Variants in ARK2C observed in about 807,000 individuals in gnomAD.
ARK2C encodes the protein arkadia (RNF111) C-terminal like ring finger ubiquitin ligase 2C.
chr18:46,453,494 C>T, the ARK2C span, among the ~76,000 whole-genome samples: 4 of 149,620 alleles, frequency 2.7e-5, no homozygotes, highest in African/African-American at 7.4e-5. Flanking sequence ...ATAAAGGGCT[C>T]GGGTAAAAAG....
the ARK2C span, among the ~76,000 whole-genome samples, chr18:46,391,397 G>T: frequency 1.3e-5 from 2 of 152,084 alleles, no homozygotes; most frequent in Admixed American, 6.5e-5. Context: ...GCGAGGCCTA[G>T]TACGGGGCTG....
At chr18:46,429,706 A>G in the ARK2C span, among the ~76,000 whole-genome samples, 1 of 152,096 alleles carries the variant, frequency 6.6e-6, no homozygotes, top group Non-Finnish European at 1.5e-5. Flanking sequence ...CATTTTTACA[A>G]ATTCTTACCA....
the ARK2C span, chr18:46,450,657 G>C: frequency 7.1e-7 from 1 of 1,413,672 alleles, no homozygotes; most frequent in African/African-American, 1.4e-5. Flanking sequence ...GTGCATGTGG[G>C]CATTTATACA....
At chr18:46,373,843 G>A in the ARK2C span, among the ~76,000 whole-genome samples, 9 of 152,244 alleles carry the variant, frequency 5.9e-5, no homozygotes, top group African/African-American at 1.4e-4. Context: ...GCTGGGGCTC[G>A]CTAGCCCTCA....
chr18:46,407,974 A>G, the ARK2C span, among the ~76,000 whole-genome samples: 1 of 152,160 alleles, frequency 6.6e-6, no homozygotes, highest in Admixed American at 6.5e-5. Flanking sequence ...TTCCTGGGGG[A>G]GGTGGCATAG....
the ARK2C span, among the ~76,000 whole-genome samples, chr18:46,344,509 G>C: frequency 6.6e-6 from 1 of 152,156 alleles, no homozygotes; most frequent in Non-Finnish European, 1.5e-5. Flanking sequence ...ATTCCCTCGA[G>C]CTAATGGGAG....
the ARK2C span, among the ~76,000 whole-genome samples, chr18:46,358,853 AGC>A: frequency 6.6e-6 from 1 of 152,212 alleles, no homozygotes; most frequent in Non-Finnish European, 1.5e-5. Context: ...GCCTGCTCAG[AGC>A]AGCCTCACAA....
At chr18:46,447,828 A>G in the ARK2C span, 7 of 986,066 alleles carry the variant, frequency 7.1e-6, no homozygotes, top group South Asian at 5.8e-5. Context: ...CGGCTTCCAC[A>G]TGACCCAGCT....
At chr18:46,425,992 T>C in the ARK2C span, among the ~76,000 whole-genome samples, 1 of 152,132 alleles carries the variant, frequency 6.6e-6, no homozygotes. Context: ...GCAAGCCGGC[T>C]CTTTGGGGCC....
At chr18:46,433,265 A>C in the ARK2C span, 73 of 1,610,602 alleles carry the variant, frequency 4.5e-5, no homozygotes, top group Non-Finnish European at 5.9e-5. Context: ...CCGCAGCCGC[A>C]GCAGCTCGCT....
the ARK2C span, among the ~76,000 whole-genome samples, chr18:46,338,877 G>A: frequency 2.0e-5 from 3 of 152,126 alleles, no homozygotes; most frequent in Admixed American, 6.5e-5. Context: ...CTGACTCCCC[G>A]GCTCACCCTG....
At chr18:46,370,518 G>A in the ARK2C span, among the ~76,000 whole-genome samples, 70 of 152,300 alleles carry the variant, frequency 4.6e-4, no homozygotes, top group Admixed American at 1.6e-3. Flanking sequence ...TTCTGTCCTT[G>A]GCTGTAGGGA....
the ARK2C span, among the ~76,000 whole-genome samples, chr18:46,437,586 T>G: frequency 7.9e-4 from 120 of 152,100 alleles, no homozygotes; most frequent in African/African-American, 2.5e-3. Flanking sequence ...ACCCTGGCCT[T>G]TTTTCCTACT....
chr18:46,358,981 G>A, the ARK2C span, among the ~76,000 whole-genome samples: 2 of 152,186 alleles, frequency 1.3e-5, no homozygotes, highest in South Asian at 2.1e-4. Flanking sequence ...ATGCCACTGT[G>A]TGGGTCAGGA....
At chr18:46,401,981 C>A in the ARK2C span, among the ~76,000 whole-genome samples, 1 of 152,178 alleles carries the variant, frequency 6.6e-6, no homozygotes, top group African/African-American at 2.4e-5. Context: ...ATTCAGAAAA[C>A]CTCTCCTCAC....
the ARK2C span, among the ~76,000 whole-genome samples, chr18:46,414,693 C>A: frequency 2.0e-5 from 3 of 152,292 alleles, no homozygotes; most frequent in African/African-American, 7.2e-5. Context: ...CAGACACATG[C>A]ACATACACAC....
At chr18:46,336,712 G>A in the ARK2C span, 16 of 985,194 alleles carry the variant, frequency 1.6e-5, no homozygotes, top group African/African-American at 1.2e-4. Context: ...TTGTTTAGCC[G>A]AGTACATTGC....
chr18:46,396,245 G>C, the ARK2C span, among the ~76,000 whole-genome samples: 2 of 152,242 alleles, frequency 1.3e-5, no homozygotes, highest in South Asian at 2.1e-4. Context: ...GAGAGCTGCA[G>C]AGTCACATCA....
the ARK2C span, chr18:46,462,070 T>C: frequency 1.3e-5 from 2 of 152,330 alleles, no homozygotes; most frequent in African/African-American, 4.8e-5. Flanking sequence ...TGGCATCTCC[T>C]CTGTGCGTCT....
Sources: allele counts gnomAD v4.1 joint callset (sites outside exome capture counted in the v4.1 genomes callset), GRCh38; gene constraint gnomAD v4.1.1; transcripts MANE v1.5; gene names NCBI Gene and HGNC (gene_info 2026-07-23, HGNC 2026-07-21).